The following CSK variants were observed in gnomAD, a reference collection of about 807,000 sequenced individuals.
The protein encoded by CSK is tyrosine-protein kinase CSK.
CSK carries 7 observed loss-of-function variants against 62.3 expected under a neutral mutation model. The observed-to-expected ratio is 0.11, with a 90% CI of 0.06 to 0.21. The LOEUF (loss-of-function observed/expected upper bound fraction) is 0.21. CSK is among the 10% of genes least tolerant of loss of function. The pLI is 1.00. For missense variants in CSK, 294 were observed against 613.5 expected (o/e 0.48, Z 5.50); for synonymous variants, 237 against 246.0 (o/e 0.96, Z 0.34).
chr15:74,784,207 T>C (rs1175011509), intron 1 of CSK, among the ~76,000 whole-genome samples: 1 of 151,836 alleles, frequency 6.6e-6, no homozygotes, highest in African/African-American at 2.4e-5. Flanking sequence ...CGATTTAGGG[T>C]TTTTTTGTTT....
intron 1 of CSK, among the ~76,000 whole-genome samples, chr15:74,795,992 C>T (rs1017313915): frequency 3.3e-5 from 5 of 152,058 alleles, no homozygotes; most frequent in Non-Finnish European, 5.9e-5. Flanking sequence ...CTGGGGCAGG[C>T]GGATCACTTG....
intron 1 of CSK, among the ~76,000 whole-genome samples, chr15:74,786,449 G>A (rs946980396): frequency 6.6e-6 from 1 of 152,192 alleles, no homozygotes; most frequent in Non-Finnish European, 1.5e-5. Flanking sequence ...CTGAGCCCCA[G>A]CCCAAGAACA....
At position 74,798,683 on chromosome 15, in the gene CSK, G is replaced by C; in HGVS notation, c.84G>C (p.Leu28=). The C allele has an allele frequency of 1.2e-6, 2 of 1,613,792 alleles. No homozygotes were observed. Among genetic ancestry groups the C allele is most frequent in the Non-Finnish European group, 1.7e-6 (2 of 1,180,026 alleles). The change falls in exon 3 of 13, where the codon CTG becomes CTC. Residue 28 remains leucine, a synonymous_variant. Transcript: ENST00000220003. This position sits in a 1 kb window ranked among gnomAD's most constrained non-coding sequence, Gnocchi z 6.6. ...YNFHGTAEQD[L]PFCKGDVLTI... ...TCCACGGCACTGCCGAGCAGGACCT[G>C]CCCTTCTGCAAAGGAGACGTGCTCA...
chr15:74,789,851 A>T (rs1006170539), intron 1 of CSK, among the ~76,000 whole-genome samples: 12 of 152,290 alleles, frequency 7.9e-5, no homozygotes, highest in East Asian at 3.9e-4. Flanking sequence ...GCCATGGCTG[A>T]CCATCCAGTA....
At chr15:74,786,719 C>T (rs913918477) in intron 1 of CSK, among the ~76,000 whole-genome samples, 6 of 152,154 alleles carry the variant, frequency 3.9e-5, no homozygotes, top group African/African-American at 1.4e-4. Flanking sequence ...CTCCTACAGC[C>T]ACCCCGTGGG....
Position 74,791,917 on chromosome 15 carries a change from C to T in CSK, c.-65-6316C>T, listed in dbSNP as rs2063627413. Reference sequence around the variant, plus strand: ...GTTCCGGGGTTGTCCGCACGTCTCCCTGTAGTGCAGGTGCTCCTTCCTGTT... The same window carrying T: ...GTTCCGGGGTTGTCCGCACGTCTCCTTGTAGTGCAGGTGCTCCTTCCTGTT... On this transcript the variant is annotated intron_variant, in intron 1 of 12. Transcript: ENST00000220003. Among the ~76,000 whole-genome samples the T allele has an allele frequency of 2.0e-5, 3 of 152,220 alleles. No individual in the cohort carries two copies. The South Asian group carries it at 6.2e-4, about 32-fold the overall frequency.
At chr15:74,795,414 G>GC (rs1356910303) in intron 1 of CSK, among the ~76,000 whole-genome samples, 1 of 152,152 alleles carries the variant, frequency 6.6e-6, no homozygotes, top group South Asian at 2.1e-4. Context: ...TGTCAGCCTA[G>GC]CCCCCAGACC....
In CSK at chr15:74,801,564, C is replaced by T. The variant is rs1173169535; in HGVS notation, c.856C>T (p.Leu286=). Residue 286 remains leucine, a synonymous_variant, in exon 10 of 13, where the codon CTG becomes TTG. Coordinates refer to ENST00000220003, the MANE Select transcript of CSK (RefSeq NM_004383.3). The part of the protein sequence containing the change: ...DYLRSRGRSV[L]GGDCLLKFSL... ...CCTGCGGTCTAGGGGTCGGTCAGTGCTGGGCGGAGACTGTCTCCTCAAGTT... is the reference window on the plus strand; with the variant it reads ...CCTGCGGTCTAGGGGTCGGTCAGTGTTGGGCGGAGACTGTCTCCTCAAGTT... The T allele has an allele frequency of 2.5e-6, 4 of 1,613,878 alleles. No individual in the cohort carries two copies. Among genetic ancestry groups the T allele is most frequent in the Non-Finnish European group, 3.4e-6 (4 of 1,179,950 alleles).
intron 5 of CSK, among the ~76,000 whole-genome samples, chr15:74,799,889 G>A (rs570885932): frequency 2.0e-5 from 3 of 152,274 alleles, no homozygotes; most frequent in East Asian, 3.9e-4. Context: ...TGAGCCATGC[G>A]CCTTGATCGC....
rs901108710 is a variant in CSK at position 74,800,815 on chromosome 15, G to A, written c.623-8G>A. 1 of 1,609,662 alleles carries A rather than the reference G, an allele frequency of 6.2e-7. No homozygotes were observed. Among genetic ancestry groups the A allele is most frequent in the East Asian group, 2.2e-5 (1 of 44,720 alleles). On this transcript the variant is annotated splice_region_variant and splice_polypyrimidine_tract_variant and intron_variant, in intron 7 of 12. Coordinates refer to ENST00000220003, the MANE Select transcript of CSK (RefSeq NM_004383.3). ...AACTTGGGAACAAGACCACCTCTCT[G>A]CCCCCAGACGTGATGCTGGGCGATT...
At chr15:74,788,123 C>G (rs751556479) in intron 1 of CSK, among the ~76,000 whole-genome samples, 1 of 152,210 alleles carries the variant, frequency 6.6e-6, no homozygotes, top group Admixed American at 6.5e-5. Context: ...GAAGAAGAAG[C>G]GTGGTAGGAG....
rs1461844771 is a variant in CSK at position 74,802,446 on chromosome 15, T to C, written c.1286T>C (p.Met429Thr). ...MKNCWHLDAA[M>T]RPSFLQLREQ... is the part of the protein sequence containing the mutation. ...AACTGCTGGCACCTGGACGCCGCCA[T>C]GCGGCCCTCCTTCCTACAGCTCCGA... Residue 429 changes from methionine (M) to threonine (T), a missense_variant, in exon 13 of 13, where the codon ATG becomes ACG. By Grantham distance (81) the Met-to-Thr change is moderately conservative. Transcript: ENST00000220003. 2 of 1,612,756 alleles carry C rather than the reference T, an allele frequency of 1.2e-6. No homozygotes were observed. The highest frequency in any genetic ancestry group is 1.1e-5 in the South Asian group (1 of 91,014).
chr15:74,783,706 G>A (rs2063473059), intron 1 of CSK, among the ~76,000 whole-genome samples: 1 of 152,234 alleles, frequency 6.6e-6, no homozygotes, highest in South Asian at 2.1e-4. Flanking sequence ...TCCGGCTCCA[G>A]CTGTGGCTGG....
rs1488144604 is a variant in CSK, at chr15:74,798,809, G to T, written c.130-17G>T. The T allele has an allele frequency of 6.2e-7, 1 of 1,604,214 alleles. No homozygotes were observed. The highest frequency in any genetic ancestry group is 1.1e-5 in the South Asian group (1 of 89,932). On this transcript the variant is annotated splice_polypyrimidine_tract_variant and intron_variant, in intron 3 of 12. Coordinates refer to ENST00000220003, the MANE Select transcript of CSK (RefSeq NM_004383.3). This position sits in a 1 kb window ranked among gnomAD's most constrained non-coding sequence, Gnocchi z 6.6. ...GGAGGTGGGCCTGAGAGCATGTCTGGGCTGCCCTCTCCCCAGGACCCCAAC... is the reference window on the plus strand; with the variant it reads ...GGAGGTGGGCCTGAGAGCATGTCTGTGCTGCCCTCTCCCCAGGACCCCAAC...
Position 74,782,351 on chromosome 15 carries a change from A to T in CSK, c.-435A>T, listed in dbSNP as rs1249076621. 6.7e-6 allele frequency: 1 copy of T among 149,114 alleles called. No homozygotes were observed. Among genetic ancestry groups the T allele is most frequent in the Non-Finnish European group, 1.5e-5 (1 of 66,984 alleles). The allele number at this position is 149,114 out of a possible 1,614,324, so 9.2% of individuals were successfully genotyped here. ...AGCCCGCGGGGCGTGGAGCGCGAGG[A>T]GCCCCGCGGCCCCGATCGAGCGTCC... On this transcript the variant is annotated 5_prime_UTR_variant, in exon 1 of 13. Transcript: ENST00000220003. The surrounding 1 kb of genome is among the most constrained non-coding windows in gnomAD (Gnocchi z 5.7).
chr15:74,788,906 G>A (rs1448311042), intron 1 of CSK: 1 of 152,602 alleles, frequency 6.6e-6, no homozygotes, highest in Non-Finnish European at 1.5e-5. Flanking sequence ...AGAGGCCTGG[G>A]TTAGGGCCCT....
chr15:74,789,123 A>ATTT (rs2063576156), intron 1 of CSK, among the ~76,000 whole-genome samples: 1 of 152,206 alleles, frequency 6.6e-6, no homozygotes, highest in African/African-American at 2.4e-5. Context: ...CATTGGGGGC[A>ATTT]GGGGAAAAAA....
chr15:74,799,013 AG>A, intron 4 of CSK, 75 bp downstream of exon 4: 1 of 1,333,492 alleles, frequency 7.5e-7, no homozygotes, highest in Non-Finnish European at 1.0e-6. Context: ...GCAAGCAGGG[AG>A]GCCAGAGTGA....
chr15:74,782,545 T>C lies in CSK; in HGVS notation c.-241T>C. ...CTCCGCGACCCGGGCCGTGCGTCCG[T>C]CCCCCTGCCTCTGCCTGGCGGTCCC... On this transcript the variant is annotated 5_prime_UTR_variant, in exon 1 of 13. Transcript: ENST00000220003. The surrounding 1 kb of genome is among the most constrained non-coding windows in gnomAD (Gnocchi z 5.7). 6.9e-6 allele frequency: 1 copy of C among 144,862 alleles called. No homozygotes were observed. Among genetic ancestry groups the C allele is most frequent in the Non-Finnish European group, 1.5e-5 (1 of 65,784 alleles). 9.0% of individuals were successfully genotyped at this position (144,862 alleles called of 1,614,324 possible).
Sources: gnomAD v4.1 joint callset for allele counts (sites outside exome capture counted in the v4.1 genomes callset) on GRCh38, gnomAD v4.1.1 for gene constraint, Gnocchi (gnomAD v3.1) non-coding constraint, MANE v1.5 for transcripts, NCBI Gene and HGNC (gene_info 2026-07-23, HGNC 2026-07-21) for gene names.